The following CCDC85A variants were observed in gnomAD, a reference collection of about 807,000 sequenced individuals.
The protein encoded by CCDC85A is coiled-coil domain containing 85A.
A neutral mutation model predicts 50.2 loss-of-function variants in CCDC85A; 38 were observed. The ratio of observed to expected loss-of-function variants is 0.76; its 90% CI spans 0.58 to 0.99. CCDC85A has a LOEUF of 0.99. Among genes scored for constraint, CCDC85A ranks in the 50% least tolerant of loss-of-function variants. The probability of loss-of-function intolerance (pLI) is 0.00; values close to 1 mark genes in which losing one functional copy is unlikely to be tolerated. For missense variants in CCDC85A, 820 were observed against 742.0 expected (o/e 1.11, Z -1.22); for synonymous variants, 366 against 301.4 (o/e 1.21, Z -2.22).
At chr2:56,297,043 G>A (rs7602941) in intron 2 of CCDC85A, among the ~76,000 whole-genome samples, 21,818 of 152,058 alleles carry the variant, frequency 0.14, 1,851 homozygotes, top group East Asian at 0.32. Flanking sequence ...TTCATTCTGA[G>A]TTCTGAAAAA....
At chr2:56,261,407 C>T (rs1034822238) in intron 2 of CCDC85A, among the ~76,000 whole-genome samples, 5 of 152,178 alleles carry the variant, frequency 3.3e-5, no homozygotes, top group African/African-American at 4.8e-5. Context: ...ATTTTAAACA[C>T]TCAAACGTTT....
At chr2:56,204,744 C>T (rs747503708) in intron 2 of CCDC85A, among the ~76,000 whole-genome samples, 1 of 152,180 alleles carries the variant, frequency 6.6e-6, no homozygotes, top group Non-Finnish European at 1.5e-5. Context: ...GGAAAGTTCA[C>T]CATGCATGGC....
At chr2:56,293,173 T>G (rs1443347027) in intron 2 of CCDC85A, among the ~76,000 whole-genome samples, 1 of 152,186 alleles carries the variant, frequency 6.6e-6, no homozygotes, top group East Asian at 1.9e-4. Flanking sequence ...GTCTACCAGA[T>G]GTACTTGTTA....
At chr2:56,292,157 A>G (rs1343409239) in intron 2 of CCDC85A, among the ~76,000 whole-genome samples, 1 of 152,044 alleles carries the variant, frequency 6.6e-6, no homozygotes, top group Admixed American at 6.6e-5. Context: ...ATCTCAGCTC[A>G]CTGTAAGCTC....
At chr2:56,225,902 CTTA>C (rs1668521778) in intron 2 of CCDC85A, among the ~76,000 whole-genome samples, 1 of 152,140 alleles carries the variant, frequency 6.6e-6, no homozygotes, top group Non-Finnish European at 1.5e-5. Flanking sequence ...TATAAAGATG[CTTA>C]TTATATTTCC....
chr2:56,382,651 C>T (rs1321629133), intron 5 of CCDC85A, among the ~76,000 whole-genome samples: 2 of 152,002 alleles, frequency 1.3e-5, no homozygotes, highest in African/African-American at 4.8e-5. Flanking sequence ...TAATAAGTCA[C>T]TACTCCTGTG....
chr2:56,309,537 T>A (rs1441182566), intron 2 of CCDC85A, among the ~76,000 whole-genome samples: 1 of 152,146 alleles, frequency 6.6e-6, no homozygotes, highest in Non-Finnish European at 1.5e-5. Flanking sequence ...GTGTATAGTG[T>A]TTGGTGAACA....
chr2:56,374,755 A>G (rs374033902), intron 4 of CCDC85A, among the ~76,000 whole-genome samples: 1 of 152,186 alleles, frequency 6.6e-6, no homozygotes, highest in East Asian at 1.9e-4. Flanking sequence ...GCTGCAGTGA[A>G]CAATGATCGT....
chr2:56,227,051 CAT>C (rs2103924586), intron 2 of CCDC85A, among the ~76,000 whole-genome samples: 1 of 152,164 alleles, frequency 6.6e-6, no homozygotes, highest in African/African-American at 2.4e-5. Flanking sequence ...GAAAGAGTGA[CAT>C]TGTTTTATTT....
chr2:56,357,775 T>A (rs948864661), intron 3 of CCDC85A, among the ~76,000 whole-genome samples: 1 of 149,214 alleles, frequency 6.7e-6, no homozygotes, highest in African/African-American at 2.5e-5. Context: ...TTTACAAGCA[T>A]CTGTAACCCT....
chr2:56,336,089 C>T (rs369763643), intron 2 of CCDC85A, among the ~76,000 whole-genome samples: 4 of 152,158 alleles, frequency 2.6e-5, no homozygotes, highest in African/African-American at 9.7e-5. Flanking sequence ...TAAAAGCTAA[C>T]ATCTATAAAC....
At chr2:56,384,207 G>A in intron 5 of CCDC85A, 59 bp from the exon 6 acceptor site, 1 of 1,478,706 alleles carries the variant, frequency 6.8e-7, no homozygotes, top group Admixed American at 1.7e-5. Context: ...CTTAAGAAAT[G>A]CAAATCTCCT....
At chr2:56,205,163 G>T (rs1217270538) in intron 2 of CCDC85A, among the ~76,000 whole-genome samples, 2 of 152,066 alleles carry the variant, frequency 1.3e-5, no homozygotes, top group Non-Finnish European at 2.9e-5. Flanking sequence ...ATTTTCTCAG[G>T]CCTCTTTACT....
intron 1 of CCDC85A, among the ~76,000 whole-genome samples, chr2:56,189,098 A>G (rs1195668290): frequency 6.6e-6 from 1 of 152,162 alleles, no homozygotes; most frequent in Non-Finnish European, 1.5e-5. Flanking sequence ...TCTTAGGTTC[A>G]TATGGGGTAG....
At position 56,362,835 on chromosome 2, in the gene CCDC85A, G is replaced by A. The variant is rs2104372452; in HGVS notation, c.1318-9509G>A. Among the ~76,000 whole-genome samples, 2 of 152,116 alleles carry A rather than the reference G, an allele frequency of 1.3e-5. 1 individual carries two copies. Among genetic ancestry groups the A allele is most frequent in the South Asian group, 4.2e-4 (2 of 4,802 alleles). Reference sequence around the variant, plus strand: ...GACTGGGTTTTGCCATGTTGGCCAGGCTGGTCTCAAACTCCTGACCTCAGG... The same window carrying A: ...GACTGGGTTTTGCCATGTTGGCCAGACTGGTCTCAAACTCCTGACCTCAGG... On this transcript the variant is annotated intron_variant, in intron 3 of 5. Coordinates refer to ENST00000407595, the MANE Select transcript of CCDC85A (RefSeq NM_001080433.2).
At chr2:56,281,063 C>G (rs1277963143) in intron 2 of CCDC85A, among the ~76,000 whole-genome samples, 3 of 152,104 alleles carry the variant, frequency 2.0e-5, no homozygotes, top group African/African-American at 7.2e-5. Flanking sequence ...ACATTTCCAT[C>G]ACCCCCAAAA....
At chr2:56,320,669 G>T (rs1214380993) in intron 2 of CCDC85A, among the ~76,000 whole-genome samples, 2 of 152,072 alleles carry the variant, frequency 1.3e-5, no homozygotes, top group Admixed American at 6.6e-5. Context: ...ACCAAAAAAA[G>T]TCCAGGACCA....
chr2:56,238,847 A>G (rs1669135032), intron 2 of CCDC85A, among the ~76,000 whole-genome samples: 1 of 152,164 alleles, frequency 6.6e-6, no homozygotes. Flanking sequence ...GCATTGAGCC[A>G]TTTGATAGGT....
intron 2 of CCDC85A, among the ~76,000 whole-genome samples, chr2:56,317,984 A>G (rs1459532651): frequency 6.6e-6 from 1 of 152,082 alleles, no homozygotes; most frequent in Non-Finnish European, 1.5e-5. Context: ...TATGCATTTC[A>G]TCTACTCAAA....
Sources: allele counts gnomAD v4.1 joint callset (sites outside exome capture counted in the v4.1 genomes callset), GRCh38; gene constraint gnomAD v4.1.1; transcripts MANE v1.5; gene names NCBI Gene and HGNC (gene_info 2026-07-23, HGNC 2026-07-21).